The following MYO5B variants were observed in gnomAD, a reference collection of about 807,000 sequenced individuals.
MYO5B encodes myosin VB, also known as unconventional myosin-Vb.
MYO5B carries 143 observed loss-of-function variants against 229.3 expected under a neutral mutation model. That is an observed-to-expected ratio of 0.62 (90% CI 0.54 to 0.72). MYO5B has a LOEUF of 0.72. Ranked by LOEUF, MYO5B falls within the 30% of genes least tolerant of loss-of-function variation. The probability of loss-of-function intolerance (pLI) is 0.00; values close to 1 mark genes in which losing one functional copy is unlikely to be tolerated. For synonymous variants in MYO5B, 918 were observed against 885.2 expected, an observed-to-expected ratio of 1.04 and a Z score of -0.66; for missense variants, 2,321 against 2,331.0, an observed-to-expected ratio of 1.00 and a Z score of 0.09.
At chr18:49,852,178 G>T (rs1473894301) in intron 31 of MYO5B, among the ~76,000 whole-genome samples, 1 of 152,238 alleles carries the variant, frequency 6.6e-6, no homozygotes, top group Non-Finnish European at 1.5e-5. Flanking sequence ...TGGCAACCTT[G>T]TGTTGGTGTG....
At chr18:49,866,361 G>A (rs1427012060) in intron 27 of MYO5B, among the ~76,000 whole-genome samples, 5 of 151,998 alleles carry the variant, frequency 3.3e-5, no homozygotes, top group Admixed American at 2.0e-4. Context: ...GAGCCGCCAC[G>A]CCCGACCTCA....
At position 50,065,698 on chromosome 18, in the gene MYO5B, A is replaced by G. The variant is rs1439739885; in HGVS notation, c.28-10320T>C. Among the ~76,000 whole-genome samples the G allele has an allele frequency of 7.2e-5, 11 of 152,254 alleles. No individual in the cohort carries two copies. In the East Asian group the frequency reaches 2.1e-3, roughly 29 times the overall value. On this transcript the variant is annotated intron_variant, in intron 1 of 39. Coordinates refer to ENST00000285039, the MANE Select transcript of MYO5B (RefSeq NM_001080467.3). The stretch of plus-strand genomic sequence containing the variant: ...TCACAGGGCCCTTCAAGGATCCCGG[A>G]CCACATGCGGCTAATCTCCTGCAAT...
At chr18:50,177,218 T>C (rs976078249) in intron 1 of MYO5B, among the ~76,000 whole-genome samples, 1 of 151,830 alleles carries the variant, frequency 6.6e-6, no homozygotes, top group Non-Finnish European at 1.5e-5. Context: ...AAGGACTACA[T>C]GACAAAAAAA....
chr18:50,048,582 C>T (rs910771099), intron 2 of MYO5B, among the ~76,000 whole-genome samples: 1 of 152,096 alleles, frequency 6.6e-6, no homozygotes, highest in Non-Finnish European at 1.5e-5. Flanking sequence ...TACTTAGCAC[C>T]CACTCGACAA....
At chr18:49,982,084 A>C (rs530144617) in intron 8 of MYO5B, among the ~76,000 whole-genome samples, 1 of 152,234 alleles carries the variant, frequency 6.6e-6, no homozygotes, top group South Asian at 2.1e-4. Flanking sequence ...TACTTCGTTT[A>C]TCTATTTTTT....
At chr18:50,129,409 G>A (rs2032219101) in intron 1 of MYO5B, among the ~76,000 whole-genome samples, 1 of 152,142 alleles carries the variant, frequency 6.6e-6, no homozygotes, top group Admixed American at 6.5e-5. Context: ...TTCCATGAAA[G>A]GAAACAGGAA....
Position 49,937,109 on chromosome 18 carries a change from T to C in MYO5B, c.1905+136A>G, listed in dbSNP as rs2025259120. 4.7e-6 allele frequency: 5 copies of C among 1,056,466 alleles called. No individual in the cohort carries two copies. In the Admixed American group the frequency reaches 7.4e-5, roughly 16 times the overall value. The allele number at this position is 1,056,466 out of a possible 1,614,324, so 65.4% of individuals were successfully genotyped here. The stretch of plus-strand genomic sequence containing the variant: ...GTTTCCTTCTTCTAAGGACACAAGA[T>C]AGAGCTGGATGGCTGAGGCTACTGA... On this transcript the variant is annotated intron_variant, in intron 15 of 39. Coordinates refer to ENST00000285039, the MANE Select transcript of MYO5B (RefSeq NM_001080467.3).
intron 1 of MYO5B, among the ~76,000 whole-genome samples, chr18:50,124,857 G>C (rs913901061): frequency 2.0e-5 from 3 of 152,116 alleles, no homozygotes; most frequent in Non-Finnish European, 4.4e-5. Context: ...ATAAACTGCA[G>C]ATAACAACAT....
chr18:50,128,909 C>T (rs528563222), intron 1 of MYO5B, among the ~76,000 whole-genome samples: 27 of 152,306 alleles, frequency 1.8e-4, no homozygotes, highest in Admixed American at 6.5e-5. Flanking sequence ...ACCCAATCAG[C>T]GGCTGCCGGC....
chr18:50,182,816 G>A (rs2033091374), intron 1 of MYO5B, among the ~76,000 whole-genome samples: 1 of 152,144 alleles, frequency 6.6e-6, no homozygotes, highest in Admixed American at 6.5e-5. Flanking sequence ...TCCTCAAAGA[G>A]CCATGCCTAG....
chr18:49,858,142 G>A (rs749963365), intron 29 of MYO5B, among the ~76,000 whole-genome samples: 4 of 152,216 alleles, frequency 2.6e-5, no homozygotes, highest in South Asian at 4.1e-4. Context: ...CTGAGAGACT[G>A]TTTCAGGCCA....
chr18:49,944,822 C>G (rs958696124), intron 14 of MYO5B, among the ~76,000 whole-genome samples: 7 of 152,102 alleles, frequency 4.6e-5, no homozygotes, highest in African/African-American at 1.4e-4. Flanking sequence ...TCGATCACCT[C>G]GAGCAAGGCA....
intron 22 of MYO5B, among the ~76,000 whole-genome samples, chr18:49,885,024 T>G (rs2024627752): frequency 1.3e-5 from 2 of 152,196 alleles, no homozygotes; most frequent in Middle Eastern, 3.2e-3. Flanking sequence ...CCTCATATGC[T>G]GCTGGTGGGA....
chr18:49,864,236 C>G lies in MYO5B; in HGVS notation c.3748G>C (p.Ala1250Pro). The change falls in exon 28 of 40, where the codon GCC (alanine) becomes CCC (proline). Residue 1250 changes from alanine (A) to proline (P), a missense_variant. Transcript: ENST00000285039. ...YSLLLNQLKL[A>P]HEELEVRKEE... The stretch of plus-strand genomic sequence containing the variant: ...TTGCGCACCTCGAGCTCCTCGTGGG[C>G]CAGCTTGAGCTGGTTCAGCAGGAGG... 5 of 1,614,066 alleles carry G rather than the reference C, an allele frequency of 3.1e-6. No individual in the cohort carries two copies. Among genetic ancestry groups the G allele is most frequent in the Non-Finnish European group, 4.2e-6 (5 of 1,180,048 alleles).
chr18:49,874,687 G>A (rs1458231522), intron 26 of MYO5B, among the ~76,000 whole-genome samples: 1 of 152,218 alleles, frequency 6.6e-6, no homozygotes, highest in African/African-American at 2.4e-5. Context: ...AGAACATGGG[G>A]TAGGTGTCAA....
At position 49,937,313 on chromosome 18, in the gene MYO5B, T is replaced by G. The variant is rs754154299; in HGVS notation, c.1837A>C (p.Ser613Arg). 6.2e-7 allele frequency: 1 copy of G among 1,614,166 alleles called. No individual in the cohort carries two copies. Among genetic ancestry groups the G allele is most frequent in the Admixed American group, 1.7e-5 (1 of 60,016 alleles). Reference sequence around the variant, plus strand: ...ATGGGGGGTCTGGCAGAACGGACGCTGATCTTCGAAGATGACCCCTTCCCA... The same window carrying G: ...ATGGGGGGTCTGGCAGAACGGACGCGGATCTTCGAAGATGACCCCTTCCCA... ...TPGKGSSSKISVRSARPPMKV... is the reference protein window; with the variant it reads ...TPGKGSSSKIRVRSARPPMKV... The change falls in exon 15 of 40, where the codon AGC becomes CGC. Residue 613 changes from serine to arginine, a missense_variant. This residue lies in a region of MYO5B where 2,113 missense variants were observed against 2,044.7 expected (regional missense o/e 1.03). Transcript: ENST00000285039.
rs1179143403 is a variant in MYO5B at position 49,849,625 on chromosome 18, A to G, written c.4257T>C (p.Asn1419=). 4 of 1,613,792 alleles carry G rather than the reference A, an allele frequency of 2.5e-6. No homozygotes were observed. Among genetic ancestry groups the G allele is most frequent in the Middle Eastern group, 3.4e-4 (2 of 5,968 alleles). Reference sequence around the variant, plus strand: ...TCAGTTGCTTTTTGAGCTTCCTCTCATTCTTTTCCAGCTTTTCTACCAGTT... The same window carrying G: ...TCAGTTGCTTTTTGAGCTTCCTCTCGTTCTTTTCCAGCTTTTCTACCAGTT... ...LKELVEKLEK[N]ERKLKKQLKI... The change falls in exon 32 of 40, where the codon AAT becomes AAC. Residue 1419 remains asparagine, a synonymous_variant. Transcript: ENST00000285039.
At chr18:49,965,483 A>ACACACACACACACC (rs1351541282) in intron 10 of MYO5B, among the ~76,000 whole-genome samples, 18 of 148,954 alleles carry the variant, frequency 1.2e-4, no homozygotes, top group African/African-American at 4.2e-4. Flanking sequence ...ACACACACAC[A>ACACACACACACACC]CCTCTTCTCA....
At chr18:49,964,355 T>C (rs547378312) in intron 10 of MYO5B, among the ~76,000 whole-genome samples, 32 of 140,664 alleles carry the variant, frequency 2.3e-4, no homozygotes, top group East Asian at 1.6e-3. Flanking sequence ...TTTCATGCAT[T>C]TTTCTTAAAT....
Sources: gnomAD v4.1 joint callset for allele counts (sites outside exome capture counted in the v4.1 genomes callset) on GRCh38, gnomAD v4.1.1 for gene constraint, gnomAD v4.1.1 regional missense constraint, MANE v1.5 for transcripts, NCBI Gene and HGNC (gene_info 2026-07-23, HGNC 2026-07-21) for gene names.